The following SH3RF2 variants were observed in gnomAD, a reference collection of about 807,000 sequenced individuals.
The protein encoded by SH3RF2 is E3 ubiquitin-protein ligase SH3RF2.
In SH3RF2, 43 loss-of-function variants were observed where a neutral mutation model predicts 59.0. That is an observed-to-expected ratio of 0.73 (90% confidence interval 0.57 to 0.94). The LOEUF (loss-of-function observed/expected upper bound fraction) is 0.94, where lower values mean the gene tolerates loss of function less well. SH3RF2 is among the 40% of genes least tolerant of loss of function. The pLI, the probability that SH3RF2 is intolerant of heterozygous loss-of-function variation, is 0.00. For synonymous variants in SH3RF2, 391 were observed against 391.5 expected (o/e 1.00, Z 0.01); for missense variants, 930 against 940.1 (o/e 0.99, Z 0.14).
intron 5 of SH3RF2, among the ~76,000 whole-genome samples, chr5:146,041,658 C>T (rs142060892): frequency 3.3e-4 from 51 of 152,280 alleles, no homozygotes; most frequent in African/African-American, 1.2e-3. Context: ...CTAGGCCAGG[C>T]GCAGTGGCTC....
chr5:145,957,834 C>T (rs2149951403), intron 2 of SH3RF2, among the ~76,000 whole-genome samples: 1 of 152,262 alleles, frequency 6.6e-6, no homozygotes, highest in South Asian at 2.1e-4. Context: ...AAAGACCAGC[C>T]AGGCACAGCG....
chr5:146,031,616 A>G (rs533375322), intron 5 of SH3RF2, among the ~76,000 whole-genome samples: 1 of 152,334 alleles, frequency 6.6e-6, no homozygotes, highest in Non-Finnish European at 1.5e-5. Context: ...AAGCCCACAA[A>G]GGGTATAAGG....
intron 2 of SH3RF2, among the ~76,000 whole-genome samples, chr5:145,943,485 A>G (rs1038446858): frequency 1.3e-5 from 2 of 152,220 alleles, no homozygotes; most frequent in Non-Finnish European, 2.9e-5. Context: ...CCGTATGACA[A>G]TATTTTAAGA....
chr5:146,039,567 C>A (rs1473834238), intron 5 of SH3RF2, among the ~76,000 whole-genome samples: 1 of 151,988 alleles, frequency 6.6e-6, no homozygotes, highest in African/African-American at 2.4e-5. Context: ...TTCACACCCA[C>A]CCAATCAGCA....
intron 8 of SH3RF2, among the ~76,000 whole-genome samples, chr5:146,056,495 C>G (rs1323578054): frequency 6.6e-6 from 1 of 152,118 alleles, no homozygotes; most frequent in African/African-American, 2.4e-5. Context: ...GACACTGGCT[C>G]TTATTAAGAC....
Position 145,987,484 on chromosome 5 carries a change from AC to A in SH3RF2, c.379-12573del, listed in dbSNP as rs1164195491. Reference sequence around the variant, plus strand: ...GAGAGAAACACATAACAAAAGTCACACGACATAACAGAATTTCAGATATAAA... The same window carrying A: ...GAGAGAAACACATAACAAAAGTCACAGACATAACAGAATTTCAGATATAAA... On this transcript the variant is annotated intron_variant, in intron 2 of 9. Coordinates refer to ENST00000359120, the MANE Select transcript of SH3RF2 (RefSeq NM_152550.4). Among the ~76,000 whole-genome samples, 3 of 152,236 alleles carry A rather than the reference AC, an allele frequency of 2.0e-5. No homozygotes were observed. In the East Asian group the frequency reaches 5.8e-4, roughly 29 times the overall value.
At chr5:145,982,746 T>C (rs1380032548) in intron 2 of SH3RF2, among the ~76,000 whole-genome samples, 4 of 152,054 alleles carry the variant, frequency 2.6e-5, no homozygotes. Context: ...ACACCACTGG[T>C]CAAATTCCAC....
At chr5:146,011,326 T>C (rs1026326149) in intron 4 of SH3RF2, among the ~76,000 whole-genome samples, 23 of 152,172 alleles carry the variant, frequency 1.5e-4, no homozygotes, top group Non-Finnish European at 2.8e-4. Context: ...TGCCTCCAGC[T>C]TTGTTCTTTT....
At position 146,060,030 on chromosome 5, in the gene SH3RF2, C is replaced by T; in HGVS notation, c.1720C>T (p.Pro574Ser). 1 of 1,611,626 alleles carries T rather than the reference C, an allele frequency of 6.2e-7. No individual in the cohort carries two copies. The highest frequency in any genetic ancestry group is 1.1e-5 in the South Asian group (1 of 90,624). Residue 574 changes from proline (P) to serine (S), a missense_variant, in exon 9 of 10, where the codon CCT becomes TCT. Transcript: ENST00000359120. ...CGTGGTGGTGGAGATGGGGTCCAAG[C>T]CTGCCCTCACGGGGGAGCCCGCCCT... is the stretch of plus-strand genomic sequence containing the variant. Reference protein sequence around the residue: ...SAVVVEMGSKPALTGEPALTC... With the variant: ...SAVVVEMGSKSALTGEPALTC...
rs189726097 is a variant in SH3RF2, at chr5:145,939,115, C to G, written c.378+809C>G. The stretch of plus-strand genomic sequence containing the variant: ...GACTTTATCTGACCTGGCTATGAAC[C>G]TTGTTGTGGGATAATGTGTAAGGGC... On this transcript the variant is annotated intron_variant, in intron 2 of 9. Coordinates refer to ENST00000359120, the MANE Select transcript of SH3RF2 (RefSeq NM_152550.4). Among the ~76,000 whole-genome samples the G allele has an allele frequency of 3.3e-5, 5 of 152,318 alleles. No homozygotes were observed. The East Asian group carries it at 9.6e-4, about 29-fold the overall frequency.
intron 5 of SH3RF2, 39 bp from the exon 6 acceptor site, chr5:146,047,732 AT>A: frequency 6.3e-7 from 1 of 1,597,974 alleles, no homozygotes; most frequent in Non-Finnish European, 8.6e-7. Flanking sequence ...GGGTTGTGGC[AT>A]TCATTGGTTC....
intron 2 of SH3RF2, among the ~76,000 whole-genome samples, chr5:145,987,189 T>C (rs1759743823): frequency 6.6e-6 from 1 of 152,174 alleles, no homozygotes; most frequent in Non-Finnish European, 1.5e-5. Context: ...AAATATTTTT[T>C]CTCTGTTTTA....
At chr5:146,000,422 T>C in intron 3 of SH3RF2, 95 bp downstream of exon 3, 1 of 1,111,088 alleles carries the variant, frequency 9.0e-7, no homozygotes, top group South Asian at 2.3e-5. Context: ...TTTTAAAAAA[T>C]TGTATTTTAA....
chr5:146,065,353 T>C (rs2150026310), downstream of SH3RF2, among the ~76,000 whole-genome samples: 1 of 152,290 alleles, frequency 6.6e-6, no homozygotes, highest in East Asian at 1.9e-4. Context: ...TACCTATACC[T>C]CATCTTTACC....
intron 5 of SH3RF2, among the ~76,000 whole-genome samples, chr5:146,046,280 C>T (rs1401258144): frequency 6.6e-6 from 1 of 152,122 alleles, no homozygotes; most frequent in Non-Finnish European, 1.5e-5. Flanking sequence ...GGACCAATGC[C>T]ATCACACATG....
chr5:146,011,716 T>C (rs1222246115), intron 4 of SH3RF2, among the ~76,000 whole-genome samples: 5 of 152,222 alleles, frequency 3.3e-5, no homozygotes, highest in Admixed American at 2.6e-4. Context: ...CTTGTGATTT[T>C]TGCACATTGA....
At chr5:146,075,203 G>A (rs1763318162) in intron 9 of SH3RF2, among the ~76,000 whole-genome samples, 1 of 152,084 alleles carries the variant, frequency 6.6e-6, no homozygotes, top group Non-Finnish European at 1.5e-5. Flanking sequence ...TTATGAAGCA[G>A]GATCACAAGA....
chr5:146,074,189 A>G lies in SH3RF2; in HGVS notation c.*34-4271A>G, dbSNP rs930279416. Among the ~76,000 whole-genome samples the G allele has an allele frequency of 7.9e-5, 12 of 151,978 alleles. 1 individual carries two copies. The highest frequency in any genetic ancestry group is 3.9e-4 in the Admixed American group (6 of 15,266). On this transcript the variant is annotated intron_variant, in intron 9 of 9. Coordinates refer to the SH3RF2 transcript ENST00000511217. ...CGAGTAGCTGGGACTACAGGCGCCC[A>G]ACACCACGCCCGGCTAATTTTTTGT...
intron 5 of SH3RF2, among the ~76,000 whole-genome samples, chr5:146,028,973 T>C (rs1255461088): frequency 6.6e-6 from 1 of 152,122 alleles, no homozygotes; most frequent in Non-Finnish European, 1.5e-5. Flanking sequence ...AAACATATTG[T>C]GCAGAGAAAC....
Sources: gnomAD v4.1 joint callset for allele counts (sites outside exome capture counted in the v4.1 genomes callset) on GRCh38, gnomAD v4.1.1 for gene constraint, MANE v1.5 for transcripts, NCBI Gene and HGNC (gene_info 2026-07-23, HGNC 2026-07-21) for gene names.